LOC128462377: variants seen among roughly 807,000 people sequenced by gnomAD.
the LOC128462377 span, among the ~76,000 whole-genome samples, chr16:89,362,612 C>G: frequency 6.6e-6 from 1 of 152,222 alleles, no homozygotes; most frequent in African/African-American, 2.4e-5. Context: ...ATAGTAACTT[C>G]TCTTAAAAGC....
the LOC128462377 span, among the ~76,000 whole-genome samples, chr16:89,413,388 G>A: frequency 6.6e-6 from 1 of 152,186 alleles, no homozygotes. Flanking sequence ...CACTTTGGGA[G>A]GCTGAGGTGG....
the LOC128462377 span, among the ~76,000 whole-genome samples, chr16:89,385,524 G>C: frequency 6.6e-6 from 1 of 152,082 alleles, no homozygotes; most frequent in Non-Finnish European, 1.5e-5. Flanking sequence ...GACCCTGTGG[G>C]TATCCCTGTG....
chr16:89,328,829 G>C, the LOC128462377 span: 1 of 142,868 alleles, frequency 7.0e-6, no homozygotes, highest in Non-Finnish European at 1.5e-5. Flanking sequence ...TGCTGAGTGA[G>C]TGGACATACC....
At chr16:89,350,256 T>C in the LOC128462377 span, among the ~76,000 whole-genome samples, 16 of 152,154 alleles carry the variant, frequency 1.1e-4, no homozygotes, top group African/African-American at 3.9e-4. Flanking sequence ...GTGGTCACTT[T>C]GGAAAAGAGT....
At chr16:89,342,356 C>T in the LOC128462377 span, among the ~76,000 whole-genome samples, 2 of 152,232 alleles carry the variant, frequency 1.3e-5, no homozygotes, top group African/African-American at 4.8e-5. Context: ...ACCTGAGAGT[C>T]GGAAAACGTT....
chr16:89,401,736 G>C, the LOC128462377 span, among the ~76,000 whole-genome samples: 1 of 152,146 alleles, frequency 6.6e-6, no homozygotes, highest in Non-Finnish European at 1.5e-5. Flanking sequence ...TCACCCCACA[G>C]AACTAGCTTC....
the LOC128462377 span, among the ~76,000 whole-genome samples, chr16:89,377,124 G>A: frequency 2.6e-5 from 4 of 152,156 alleles, no homozygotes; most frequent in Non-Finnish European, 5.9e-5. Context: ...TGGTCCCCCA[G>A]AACCCCGTGA....
chr16:89,382,918 G>A, the LOC128462377 span, among the ~76,000 whole-genome samples: 1 of 152,162 alleles, frequency 6.6e-6, no homozygotes, highest in African/African-American at 2.4e-5. Context: ...TCGGCTCACT[G>A]CAACCTCTGC....
At chr16:89,341,137 G>C in the LOC128462377 span, among the ~76,000 whole-genome samples, 3 of 152,132 alleles carry the variant, frequency 2.0e-5, no homozygotes, top group Admixed American at 2.0e-4. Context: ...AGAAATCAAG[G>C]TTTCCACTGC....
chr16:89,376,861 T>C, the LOC128462377 span, among the ~76,000 whole-genome samples: 1 of 152,232 alleles, frequency 6.6e-6, no homozygotes, highest in Non-Finnish European at 1.5e-5. Context: ...AGGGATAAGC[T>C]AATGCTACTG....
chr16:89,398,764 C>A, the LOC128462377 span, among the ~76,000 whole-genome samples: 17 of 152,108 alleles, frequency 1.1e-4, no homozygotes, highest in East Asian at 9.7e-4. Flanking sequence ...AATCCCAATA[C>A]ACTGTTAGTG....
the LOC128462377 span, among the ~76,000 whole-genome samples, chr16:89,353,450 C>A: frequency 3.3e-5 from 5 of 152,128 alleles, no homozygotes; most frequent in African/African-American, 1.2e-4. Flanking sequence ...AAGAGGAACA[C>A]CAGTCCAAGG....
chr16:89,355,994 T>C, the LOC128462377 span, among the ~76,000 whole-genome samples: 1 of 152,176 alleles, frequency 6.6e-6, no homozygotes, highest in African/African-American at 2.4e-5. Context: ...GAGGATCACA[T>C]GAGCCCCGCC....
chr16:89,379,527 G>A, the LOC128462377 span, among the ~76,000 whole-genome samples: 3 of 152,112 alleles, frequency 2.0e-5, no homozygotes, highest in South Asian at 4.1e-4. Flanking sequence ...TTGCTCTGTC[G>A]CCCAGACAGA....
At chr16:89,407,987 A>G in the LOC128462377 span, among the ~76,000 whole-genome samples, 1 of 152,186 alleles carries the variant, frequency 6.6e-6, no homozygotes, top group Non-Finnish European at 1.5e-5. Context: ...TCTATAGCGA[A>G]GTGTGGAAAA....
chr16:89,410,206 TCA>T, the LOC128462377 span, among the ~76,000 whole-genome samples: 1 of 152,284 alleles, frequency 6.6e-6, no homozygotes, highest in African/African-American at 2.4e-5. Context: ...AGCAGGCACC[TCA>T]CAGATGCCAA....
At chr16:89,394,522 G>A in the LOC128462377 span, among the ~76,000 whole-genome samples, 801 of 152,180 alleles carry the variant, frequency 5.3e-3, 8 homozygotes, top group African/African-American at 0.018. Flanking sequence ...CAGCTACTCG[G>A]GAGGCTGAGG....
the LOC128462377 span, among the ~76,000 whole-genome samples, chr16:89,346,787 G>C: frequency 9.8e-5 from 15 of 152,308 alleles, no homozygotes; most frequent in African/African-American, 3.6e-4. Context: ...TCCCAATAAA[G>C]AGACTCTAAA....
the LOC128462377 span, among the ~76,000 whole-genome samples, chr16:89,410,020 T>C: frequency 3.9e-5 from 6 of 152,100 alleles, no homozygotes; most frequent in Non-Finnish European, 7.4e-5. Context: ...TTTGTATTTT[T>C]AGTAGAGACG....
Sources: gnomAD v4.1 joint callset for allele counts (sites outside exome capture counted in the v4.1 genomes callset) on GRCh38, gnomAD v4.1.1 for gene constraint, MANE v1.5 for transcripts.